Variants in ADARB2 observed in about 807,000 individuals in gnomAD.
ADARB2 encodes adenosine deaminase RNA specific B2 (inactive), also known as inactive double-stranded RNA-specific editase B2.
Under a neutral mutation model 62.2 loss-of-function variants are expected in ADARB2, and 25 were observed. The observed-to-expected ratio is 0.40, with a 90% CI of 0.29 to 0.56. ADARB2 has a LOEUF of 0.56. Among genes scored for constraint, ADARB2 ranks in the 20% least tolerant of loss-of-function variants. ADARB2 has a pLI of 0.43. For missense variants in ADARB2, 1,071 were observed against 1,077.4 expected (o/e 0.99, Z 0.08); for synonymous variants, 572 against 500.8 (o/e 1.14, Z -1.90).
chr10:1,336,023 C>A (rs889750058), intron 3 of ADARB2, among the ~76,000 whole-genome samples: 2 of 152,174 alleles, frequency 1.3e-5, no homozygotes, highest in Admixed American at 6.5e-5. Context: ...AGCTCTTATT[C>A]AAAAATAATT....
intron 2 of ADARB2, among the ~76,000 whole-genome samples, chr10:1,368,855 G>GCTTGCCCTGTGGT (rs1564271370): frequency 1.0e-5 from 1 of 98,244 alleles, no homozygotes; most frequent in African/African-American, 3.1e-5. Context: ...GAGGGTGGGA[G>GCTTGCCCTGTGGT]CCGAGCTCGC....
intron 1 of ADARB2, among the ~76,000 whole-genome samples, chr10:1,735,967 T>C (rs1835295127): frequency 1.3e-5 from 2 of 152,180 alleles, no homozygotes; most frequent in South Asian, 4.1e-4. Flanking sequence ...TGAAAATTCT[T>C]CAGGAAAGAT....
intron 1 of ADARB2, among the ~76,000 whole-genome samples, chr10:1,458,879 CAT>C (rs1010444496): frequency 4.0e-5 from 6 of 149,934 alleles, no homozygotes; most frequent in African/African-American, 1.5e-4. Context: ...AAAGAACAAA[CAT>C]ATTTAAAAAG....
chr10:1,349,398 TC>T (rs1164684324), intron 3 of ADARB2, among the ~76,000 whole-genome samples: 2 of 152,158 alleles, frequency 1.3e-5, no homozygotes, highest in Non-Finnish European at 2.9e-5. Context: ...TGTTTGGTGG[TC>T]CTTTCACACG....
At chr10:1,508,617 G>C (rs1333375002) in intron 1 of ADARB2, among the ~76,000 whole-genome samples, 1 of 152,162 alleles carries the variant, frequency 6.6e-6, no homozygotes, top group East Asian at 1.9e-4. Flanking sequence ...CGTCTCCACA[G>C]AAAGTACAAA....
At chr10:1,202,879 G>A (rs1451135754) in intron 7 of ADARB2, among the ~76,000 whole-genome samples, 1 of 152,208 alleles carries the variant, frequency 6.6e-6, no homozygotes, top group African/African-American at 2.4e-5. Flanking sequence ...CAAAACTTCC[G>A]GAACGTATGT....
chr10:1,310,317 C>T (rs1169476855), intron 3 of ADARB2, among the ~76,000 whole-genome samples: 1 of 152,222 alleles, frequency 6.6e-6, no homozygotes, highest in African/African-American at 2.4e-5. Context: ...GCAGCTGGCA[C>T]TGAGGCTCAG....
chr10:1,338,799 C>T (rs1831996784), intron 3 of ADARB2, among the ~76,000 whole-genome samples: 1 of 152,154 alleles, frequency 6.6e-6, no homozygotes, highest in Non-Finnish European at 1.5e-5. Context: ...CCATCAGCCA[C>T]CAGGTTCCAG....
chr10:1,690,492 T>A lies in ADARB2; in HGVS notation c.100+46559A>T, dbSNP rs191296581. Among the ~76,000 whole-genome samples the A allele has an allele frequency of 9.2e-5, 14 of 152,282 alleles. No individual in the cohort carries two copies. In the East Asian group the frequency reaches 2.7e-3, roughly 29 times the overall value. On this transcript the variant is annotated intron_variant, in intron 1 of 9. Transcript: ENST00000381312. The stretch of plus-strand genomic sequence containing the variant: ...GCCGTGGAGCTCTGAATACTTGTAA[T>A]GATGCAGTGACAGGCATCAGAATTC...
At chr10:1,420,624 A>T (rs530627117) in intron 1 of ADARB2, among the ~76,000 whole-genome samples, 16 of 151,660 alleles carry the variant, frequency 1.1e-4, no homozygotes, top group Non-Finnish European at 1.8e-4. Context: ...AAAAAAAAAA[A>T]AAAAAAGGCA....
intron 1 of ADARB2, among the ~76,000 whole-genome samples, chr10:1,733,633 TAACA>T (rs1290000094): frequency 1.3e-5 from 2 of 152,040 alleles, no homozygotes; most frequent in African/African-American, 4.8e-5. Context: ...GAACGGATAT[TAACA>T]AAAAAAACCC....
intron 1 of ADARB2, among the ~76,000 whole-genome samples, chr10:1,497,334 T>C (rs887697709): frequency 1.3e-5 from 2 of 152,246 alleles, no homozygotes; most frequent in African/African-American, 4.8e-5. Context: ...CACTTGTATA[T>C]ACTGCCTTCA....
chr10:1,189,637 G>A (rs1189738710), intron 8 of ADARB2, among the ~76,000 whole-genome samples: 1 of 152,066 alleles, frequency 6.6e-6, no homozygotes, highest in Non-Finnish European at 1.5e-5. Context: ...GTCTGCAGCT[G>A]CAGGGGCACC....
chr10:1,725,567 C>T (rs559147635), intron 1 of ADARB2, among the ~76,000 whole-genome samples: 45 of 152,028 alleles, frequency 3.0e-4, no homozygotes, highest in South Asian at 2.7e-3. Context: ...AGGGAAAGCC[C>T]CCCACCACCC....
At chr10:1,520,352 T>C (rs572797100) in intron 1 of ADARB2, among the ~76,000 whole-genome samples, 5 of 152,230 alleles carry the variant, frequency 3.3e-5, no homozygotes, top group Non-Finnish European at 5.9e-5. Flanking sequence ...CAAATCAAAA[T>C]TGAAGAAGCA....
intron 8 of ADARB2, among the ~76,000 whole-genome samples, chr10:1,197,190 A>G (rs1283828035): frequency 6.6e-6 from 1 of 152,352 alleles, no homozygotes; most frequent in South Asian, 2.1e-4. Context: ...ACTCTTAATT[A>G]TCATTAATTT....
chr10:1,553,754 C>T (rs1318093282), intron 1 of ADARB2, among the ~76,000 whole-genome samples: 1 of 152,072 alleles, frequency 6.6e-6, no homozygotes, highest in Admixed American at 6.5e-5. Flanking sequence ...GCGTTTGGAG[C>T]GCAGGCAGAA....
At chr10:1,473,348 A>G (rs1161675492) in intron 1 of ADARB2, among the ~76,000 whole-genome samples, 1 of 152,022 alleles carries the variant, frequency 6.6e-6, no homozygotes, top group Non-Finnish European at 1.5e-5. Flanking sequence ...TGCTGCTGGG[A>G]TGATTGGATA....
rs533929077 is a variant in ADARB2, at chr10:1,276,437, A to G, written c.1078-5368T>C. On this transcript the variant is annotated intron_variant, in intron 3 of 9. Coordinates refer to ENST00000381312, the MANE Select transcript of ADARB2 (RefSeq NM_018702.4). ...TTTGTCAGATGAGTAGATTGCAAAA[A>G]TTTTCTTCCATTTTGTAGTTTGCCT... Among the ~76,000 whole-genome samples the G allele has an allele frequency of 3.5e-3, 525 of 151,820 alleles. 3 individuals are homozygous for G. Among genetic ancestry groups the G allele is most frequent in the Non-Finnish European group, 5.7e-3 (388 of 67,956 alleles).
Sources: gnomAD v4.1 joint callset for allele counts (sites outside exome capture counted in the v4.1 genomes callset) on GRCh38, gnomAD v4.1.1 for gene constraint, MANE v1.5 for transcripts, NCBI Gene and HGNC (gene_info 2026-07-23, HGNC 2026-07-21) for gene names.